The following PLCB1 variants were observed in gnomAD, a reference collection of about 807,000 sequenced individuals.
The protein encoded by PLCB1 is 1-phosphatidylinositol 4,5-bisphosphate phosphodiesterase beta-1.
In PLCB1, 46 loss-of-function variants were observed where a neutral mutation model predicts 161.8. That is an observed-to-expected ratio of 0.28 (90% confidence interval 0.22 to 0.36). The LOEUF is 0.36. Ranked by LOEUF, PLCB1 falls within the 10% of genes least tolerant of loss-of-function variation. The pLI, the probability that PLCB1 is intolerant of heterozygous loss-of-function variation, is 1.00. For synonymous variants in PLCB1, 517 were observed against 503.7 expected (o/e 1.03, Z -0.35); for missense variants, 1,016 against 1,472.5 (o/e 0.69, Z 5.07).
At chr20:8,308,336 G>A (rs964753437) in intron 2 of PLCB1, among the ~76,000 whole-genome samples, 2 of 151,806 alleles carry the variant, frequency 1.3e-5, no homozygotes, top group African/African-American at 4.8e-5. Flanking sequence ...TGAATGTTCA[G>A]CCGGGCGCAG....
In PLCB1 at chr20:8,761,978, G is replaced by GGGC. The variant is rs922880211; in HGVS notation, c.2710+1520_2710+1521insCGG. On this transcript the variant is annotated intron_variant, in intron 25 of 31. Coordinates refer to ENST00000338037, the MANE Select transcript of PLCB1 (RefSeq NM_015192.4). ...AATCCCAGTACCTGGGGAGGCCAAG[G>GGGC]GGGGGGCGGATCACCTGAGGTCGGG... 2.0e-4 allele frequency among the ~76,000 whole-genome samples: 30 copies of GGGC among 151,344 alleles called. No homozygotes were observed. In the East Asian group the frequency reaches 3.0e-3, roughly 15 times the overall value.
chr20:8,671,370 G>C (rs1353698762), intron 9 of PLCB1, among the ~76,000 whole-genome samples: 1 of 152,086 alleles, frequency 6.6e-6, no homozygotes, highest in Non-Finnish European at 1.5e-5. Flanking sequence ...TCCTCATGTT[G>C]GCATGACAAG....
intron 25 of PLCB1, among the ~76,000 whole-genome samples, chr20:8,762,861 T>C (rs1335636541): frequency 6.6e-6 from 1 of 152,260 alleles, no homozygotes; most frequent in African/African-American, 2.4e-5. Context: ...TCTTATTTTC[T>C]ATTCAGGTCT....
At chr20:8,542,386 AT>A (rs1397910999) in intron 3 of PLCB1, among the ~76,000 whole-genome samples, 2 of 152,206 alleles carry the variant, frequency 1.3e-5, no homozygotes, top group African/African-American at 4.8e-5. Flanking sequence ...ATTTTAAACA[AT>A]AAGTTTGTTG....
chr20:8,728,565 C>G (rs1980064081), intron 17 of PLCB1, among the ~76,000 whole-genome samples: 1 of 152,048 alleles, frequency 6.6e-6, no homozygotes, highest in Admixed American at 6.6e-5. Context: ...TCAAAAATAG[C>G]TATACAGTGC....
chr20:8,542,069 A>C (rs906564229), intron 3 of PLCB1, among the ~76,000 whole-genome samples: 2 of 152,210 alleles, frequency 1.3e-5, no homozygotes, highest in Admixed American at 1.3e-4. Flanking sequence ...TCATTCATTT[A>C]ATTCATATAA....
intron 2 of PLCB1, among the ~76,000 whole-genome samples, chr20:8,365,709 A>G (rs922625206): frequency 6.6e-6 from 1 of 152,330 alleles, no homozygotes; most frequent in South Asian, 2.1e-4. Flanking sequence ...AATGTATTCT[A>G]CTTTTGGTAA....
At chr20:8,196,464 T>G (rs1473688084) in intron 2 of PLCB1, among the ~76,000 whole-genome samples, 2 of 151,918 alleles carry the variant, frequency 1.3e-5, no homozygotes, top group Non-Finnish European at 2.9e-5. Flanking sequence ...TGTTTTTTTC[T>G]ACCTCTGTAG....
intron 3 of PLCB1, among the ~76,000 whole-genome samples, chr20:8,573,061 T>A (rs996352824): frequency 6.6e-6 from 1 of 152,010 alleles, no homozygotes; most frequent in African/African-American, 2.4e-5. Context: ...ACCTGAAAAG[T>A]ATATTGAGAA....
At chr20:8,213,631 A>G (rs947804601) in intron 2 of PLCB1, among the ~76,000 whole-genome samples, 4 of 152,080 alleles carry the variant, frequency 2.6e-5, no homozygotes, top group Non-Finnish European at 4.4e-5. Context: ...CTGAAATGCA[A>G]TAAGAAGCCA....
At chr20:8,385,294 G>A (rs1292729785) in intron 3 of PLCB1, among the ~76,000 whole-genome samples, 1 of 152,234 alleles carries the variant, frequency 6.6e-6, no homozygotes, top group African/African-American at 2.4e-5. Context: ...GGCCTGAAGA[G>A]GCACTCTGGC....
intron 3 of PLCB1, among the ~76,000 whole-genome samples, chr20:8,477,993 C>T (rs1982350968): frequency 6.6e-6 from 1 of 152,160 alleles, no homozygotes; most frequent in Non-Finnish European, 1.5e-5. Flanking sequence ...AAAGTCCTCC[C>T]TGCTTGTTTC....
chr20:8,296,874 C>T (rs1983654060), intron 2 of PLCB1, among the ~76,000 whole-genome samples: 1 of 152,124 alleles, frequency 6.6e-6, no homozygotes, highest in African/African-American at 2.4e-5. Context: ...CATGAAATGA[C>T]CATATGTTTG....
At chr20:8,434,122 CA>C (rs1483256121) in intron 3 of PLCB1, among the ~76,000 whole-genome samples, 1 of 152,126 alleles carries the variant, frequency 6.6e-6, no homozygotes, top group African/African-American at 2.4e-5. Flanking sequence ...TTGTGTGTAC[CA>C]TTTTTTTGAA....
At chr20:8,567,644 A>ACT (rs2123041197) in intron 3 of PLCB1, among the ~76,000 whole-genome samples, 1 of 152,276 alleles carries the variant, frequency 6.6e-6, no homozygotes, top group South Asian at 2.1e-4. Flanking sequence ...AATCATTAGT[A>ACT]GTCGAAACTT....
At chr20:8,184,895 A>G (rs1451966420) in intron 2 of PLCB1, among the ~76,000 whole-genome samples, 1 of 151,462 alleles carries the variant, frequency 6.6e-6, no homozygotes, top group Non-Finnish European at 1.5e-5. Flanking sequence ...GCACCCATCA[A>G]CCCGTCATCT....
At chr20:8,271,866 G>A (rs747963465) in intron 2 of PLCB1, among the ~76,000 whole-genome samples, 1 of 152,048 alleles carries the variant, frequency 6.6e-6, no homozygotes, top group Non-Finnish European at 1.5e-5. Flanking sequence ...AAGAAGTGAG[G>A]TTATATAATT....
At chr20:8,790,524 A>T (rs1425181699) in intron 31 of PLCB1, among the ~76,000 whole-genome samples, 12 of 152,236 alleles carry the variant, frequency 7.9e-5, no homozygotes, top group African/African-American at 2.4e-4. Flanking sequence ...GGTATGGCTC[A>T]GACAAAGGTA....
chr20:8,188,996 C>A (rs929067488), intron 2 of PLCB1, among the ~76,000 whole-genome samples: 1 of 151,922 alleles, frequency 6.6e-6, no homozygotes, highest in African/African-American at 2.4e-5. Flanking sequence ...AGAAATGTCC[C>A]AAGAGGTGAA....
Sources: gnomAD v4.1 joint callset for allele counts (sites outside exome capture counted in the v4.1 genomes callset) on GRCh38, gnomAD v4.1.1 for gene constraint, MANE v1.5 for transcripts, NCBI Gene and HGNC (gene_info 2026-07-23, HGNC 2026-07-21) for gene names.